Variants in MEGF11 observed in about 807,000 individuals in gnomAD.
MEGF11 encodes the protein multiple EGF like domains 11, also known as multiple epidermal growth factor-like domains protein 11.
Under a neutral mutation model 146.6 loss-of-function variants are expected in MEGF11, and 126 were observed. That is an observed-to-expected ratio of 0.86 (90% CI 0.74 to 1.00). The LOEUF (loss-of-function observed/expected upper bound fraction) is 1.00. MEGF11 is among the 50% of genes least tolerant of loss of function. The pLI is 0.00. For missense variants in MEGF11, 1,509 were observed against 1,521.2 expected (o/e 0.99, Z 0.13); for synonymous variants, 532 against 583.4 (o/e 0.91, Z 1.27).
At chr15:66,138,557 A>G (rs2088998968) in intron 1 of MEGF11, among the ~76,000 whole-genome samples, 1 of 152,118 alleles carries the variant, frequency 6.6e-6, no homozygotes, top group African/African-American at 2.4e-5. Context: ...CGGTCGGGTC[A>G]CGGCCGGCAC....
At chr15:66,142,886 C>T (rs1335030665) in intron 1 of MEGF11, among the ~76,000 whole-genome samples, 1 of 152,218 alleles carries the variant, frequency 6.6e-6, no homozygotes, top group Non-Finnish European at 1.5e-5. Flanking sequence ...TTTCCAGCAG[C>T]ATCCACCAGC....
At chr15:65,978,177 G>A (rs554855248) in intron 7 of MEGF11, among the ~76,000 whole-genome samples, 6 of 152,308 alleles carry the variant, frequency 3.9e-5, no homozygotes, top group African/African-American at 1.2e-4. Context: ...TCTCTGAGTT[G>A]GAAAATGTGT....
At chr15:65,941,919 A>G (rs570519709) in intron 10 of MEGF11, among the ~76,000 whole-genome samples, 19 of 152,314 alleles carry the variant, frequency 1.2e-4, no homozygotes, top group African/African-American at 4.6e-4. Flanking sequence ...CCTAGTGCTG[A>G]TGACAGGAGA....
chr15:66,005,475 G>A (rs988645597), intron 5 of MEGF11, among the ~76,000 whole-genome samples: 4 of 152,180 alleles, frequency 2.6e-5, no homozygotes, highest in African/African-American at 7.2e-5. Flanking sequence ...CTTATGATTC[G>A]TGCTCCAGTA....
chr15:66,194,217 C>A (rs1404711687), intron 1 of MEGF11, among the ~76,000 whole-genome samples: 3 of 152,136 alleles, frequency 2.0e-5, no homozygotes, highest in African/African-American at 7.2e-5. Context: ...GAACTGGAGA[C>A]CTTTATTCTA....
chr15:66,237,758 C>T (rs4776770), intron 1 of MEGF11, among the ~76,000 whole-genome samples: 69,544 of 152,028 alleles, frequency 0.46, 16,809 homozygotes, highest in East Asian at 0.68. Context: ...CTGCCTCCAC[C>T]GCCCCTTCCC....
intron 23 of MEGF11, among the ~76,000 whole-genome samples, 174 bp downstream of exon 23, chr15:65,908,860 A>T (rs889615364): frequency 6.6e-6 from 1 of 152,208 alleles, no homozygotes; most frequent in Non-Finnish European, 1.5e-5. Context: ...AGATCCAGAC[A>T]GGTTTCCATC....
chr15:66,149,932 C>A (rs1021018802), intron 1 of MEGF11, among the ~76,000 whole-genome samples: 1 of 152,252 alleles, frequency 6.6e-6, no homozygotes, highest in African/African-American at 2.4e-5. Context: ...CAGCAAGTGG[C>A]CTTGGGCCTA....
intron 4 of MEGF11, among the ~76,000 whole-genome samples, chr15:66,102,567 T>G (rs1430926745): frequency 6.6e-6 from 1 of 151,428 alleles, no homozygotes; most frequent in African/African-American, 2.4e-5. Flanking sequence ...GCTGGAACTA[T>G]AGGCATGCAC....
At chr15:66,194,273 C>T (rs962542495) in intron 1 of MEGF11, among the ~76,000 whole-genome samples, 3 of 152,156 alleles carry the variant, frequency 2.0e-5, no homozygotes, top group Non-Finnish European at 4.4e-5. Context: ...TATGTTCTTA[C>T]TCATAAATGG....
At chr15:65,908,436 C>A (rs1345709783) in intron 23 of MEGF11, among the ~76,000 whole-genome samples, 3 of 152,194 alleles carry the variant, frequency 2.0e-5, no homozygotes, top group Admixed American at 1.3e-4. Context: ...ATAATCAGGG[C>A]TAACTTTCCA....
At chr15:65,984,747 A>G (rs545381770) in intron 5 of MEGF11, among the ~76,000 whole-genome samples, 6 of 151,830 alleles carry the variant, frequency 4.0e-5, no homozygotes, top group Non-Finnish European at 8.8e-5. Flanking sequence ...TGATAATGAC[A>G]ACCACATTTT....
intron 1 of MEGF11, among the ~76,000 whole-genome samples, chr15:66,208,797 G>C (rs1326922547): frequency 6.6e-6 from 1 of 152,054 alleles, no homozygotes; most frequent in Non-Finnish European, 1.5e-5. Context: ...CAGGAGAATC[G>C]CTTGAACCTG....
intron 1 of MEGF11, among the ~76,000 whole-genome samples, chr15:66,136,422 C>A (rs1318663727): frequency 6.6e-6 from 1 of 152,074 alleles, no homozygotes; most frequent in Non-Finnish European, 1.5e-5. Flanking sequence ...GTCAATAGAC[C>A]CCCTGAGTCT....
chr15:66,249,691 C>A (rs1213192947), intron 1 of MEGF11, among the ~76,000 whole-genome samples: 1 of 152,200 alleles, frequency 6.6e-6, no homozygotes, highest in Non-Finnish European at 1.5e-5. Flanking sequence ...TTCCCTTGTT[C>A]TACCACATTG....
At chr15:66,095,510 C>A (rs1345204538) in intron 4 of MEGF11, among the ~76,000 whole-genome samples, 1 of 152,218 alleles carries the variant, frequency 6.6e-6, no homozygotes, top group Non-Finnish European at 1.5e-5. Context: ...GCTAGGGGAG[C>A]AGATGGTCCC....
intron 19 of MEGF11, chr15:65,914,263 T>G: frequency 2.0e-6 from 1 of 510,978 alleles, no homozygotes; most frequent in African/African-American, 1.9e-5. Flanking sequence ...ATTCATTTAC[T>G]CTTCAGCCCT....
At position 66,037,945 on chromosome 15, in the gene MEGF11, T is replaced by C. The variant is rs529699791; in HGVS notation, c.395-55457A>G. Among the ~76,000 whole-genome samples the C allele has an allele frequency of 6.6e-5, 10 of 152,318 alleles. No individual in the cohort carries two copies. In the East Asian group the frequency reaches 1.9e-3, roughly 29 times the overall value. On this transcript the variant is annotated intron_variant, in intron 5 of 25. Coordinates refer to ENST00000395614, the MANE Select transcript of MEGF11 (RefSeq NM_001385028.1). ...CCATGGCCACATGATACCTGGAGGTTTGAATAATTAACAGGAAATGTAAAA... is the reference window on the plus strand; with the variant it reads ...CCATGGCCACATGATACCTGGAGGTCTGAATAATTAACAGGAAATGTAAAA...
At chr15:66,207,571 T>G (rs1416014278) in intron 1 of MEGF11, among the ~76,000 whole-genome samples, 1 of 152,138 alleles carries the variant, frequency 6.6e-6, no homozygotes, top group Non-Finnish European at 1.5e-5. Context: ...CAGGCTGAAA[T>G]AAAAGAACAC....
Sources: allele counts gnomAD v4.1 joint callset (sites outside exome capture counted in the v4.1 genomes callset), GRCh38; gene constraint gnomAD v4.1.1; transcripts MANE v1.5; gene names NCBI Gene and HGNC (gene_info 2026-07-23, HGNC 2026-07-21).